Variants in CFAP299 observed in about 807,000 individuals in gnomAD.
CFAP299 encodes the protein cilia and flagella associated protein 299.
A neutral mutation model predicts 27.0 loss-of-function variants in CFAP299; 21 were observed. The ratio of observed to expected loss-of-function variants is 0.78; its 90% CI spans 0.55 to 1.12. The LOEUF is 1.12. CFAP299 is among the 50% of genes most tolerant of loss of function. The pLI is 0.00. For missense variants in CFAP299, 310 were observed against 276.6 expected, an observed-to-expected ratio of 1.12 and a Z score of -0.86; for synonymous variants, 104 against 98.1, an observed-to-expected ratio of 1.06 and a Z score of -0.36.
intron 3 of CFAP299, among the ~76,000 whole-genome samples, chr4:80,813,784 A>G (rs1026708307): frequency 3.3e-5 from 5 of 152,022 alleles, no homozygotes; most frequent in Admixed American, 6.6e-5. Flanking sequence ...AAATGTGTAA[A>G]TACAGATTGA....
At chr4:80,445,647 A>T (rs898599324) in intron 2 of CFAP299, among the ~76,000 whole-genome samples, 1 of 152,194 alleles carries the variant, frequency 6.6e-6, no homozygotes, top group African/African-American at 2.4e-5. Flanking sequence ...CATTCTGCAC[A>T]TGTATCCCAG....
At chr4:80,628,944 A>G (rs920501040) in intron 3 of CFAP299, among the ~76,000 whole-genome samples, 7 of 152,220 alleles carry the variant, frequency 4.6e-5, no homozygotes, top group African/African-American at 1.7e-4. Flanking sequence ...AAACTGCCAT[A>G]TAATCCAGCA....
At chr4:80,435,660 G>A (rs1439859054) in intron 2 of CFAP299, among the ~76,000 whole-genome samples, 1 of 152,192 alleles carries the variant, frequency 6.6e-6, no homozygotes, top group African/African-American at 2.4e-5. Flanking sequence ...ACCTTGCAGA[G>A]GGTTGAGCAA....
At chr4:80,699,616 G>C (rs1263389247) in intron 3 of CFAP299, among the ~76,000 whole-genome samples, 2 of 152,112 alleles carry the variant, frequency 1.3e-5, no homozygotes, top group Non-Finnish European at 2.9e-5. Context: ...TGGTCAATGT[G>C]TTATATTTGA....
intron 3 of CFAP299, among the ~76,000 whole-genome samples, chr4:80,602,039 A>G (rs1033755117): frequency 1.3e-5 from 2 of 152,172 alleles, no homozygotes; most frequent in Non-Finnish European, 2.9e-5. Context: ...AGAGGGGAAC[A>G]ACACATACTG....
intron 2 of CFAP299, chr4:80,386,932 G>T: frequency 1.2e-6 from 1 of 859,990 alleles, no homozygotes; most frequent in South Asian, 1.3e-5. Flanking sequence ...TGAGCGCGCA[G>T]TTTGAGGTAA....
At chr4:80,372,427 C>A (rs1167198620) in intron 2 of CFAP299, among the ~76,000 whole-genome samples, 1 of 152,214 alleles carries the variant, frequency 6.6e-6, no homozygotes, top group Non-Finnish European at 1.5e-5. Context: ...GCTTGTGTAG[C>A]AGGCGTTCAA....
intron 4 of CFAP299, among the ~76,000 whole-genome samples, chr4:80,882,414 G>A (rs897195835): frequency 1.3e-5 from 2 of 152,080 alleles, no homozygotes; most frequent in Non-Finnish European, 1.5e-5. Flanking sequence ...CGAGGCGGGC[G>A]GATTACGAGG....
intron 2 of CFAP299, among the ~76,000 whole-genome samples, chr4:80,480,468 C>G (rs1730507975): frequency 6.6e-6 from 1 of 151,956 alleles, no homozygotes; most frequent in Non-Finnish European, 1.5e-5. Context: ...TGGAAAGTCC[C>G]TAGTTATATA....
At chr4:80,893,306 T>C (rs534140016) in intron 4 of CFAP299, among the ~76,000 whole-genome samples, 1 of 151,942 alleles carries the variant, frequency 6.6e-6, no homozygotes, top group Non-Finnish European at 1.5e-5. Flanking sequence ...TTATACTTCC[T>C]AAATAATCTA....
At chr4:80,913,402 A>G (rs567799646) in intron 4 of CFAP299, among the ~76,000 whole-genome samples, 1 of 152,210 alleles carries the variant, frequency 6.6e-6, no homozygotes, top group Non-Finnish European at 1.5e-5. Context: ...ATATCTTAAC[A>G]TACAATACTA....
intron 3 of CFAP299, among the ~76,000 whole-genome samples, chr4:80,816,383 C>A (rs921437929): frequency 2.0e-5 from 3 of 152,006 alleles, no homozygotes; most frequent in South Asian, 2.1e-4. Context: ...GAAAATAAAT[C>A]CCTTTAATAT....
At chr4:80,533,077 T>G (rs1213215533) in intron 2 of CFAP299, among the ~76,000 whole-genome samples, 10 of 152,224 alleles carry the variant, frequency 6.6e-5, no homozygotes, top group Admixed American at 6.5e-4. Flanking sequence ...TTGAATTCCT[T>G]CTAAGTATTG....
At chr4:80,348,582 A>C (rs1553915820) in intron 1 of CFAP299, among the ~76,000 whole-genome samples, 2 of 152,234 alleles carry the variant, frequency 1.3e-5, no homozygotes, top group Non-Finnish European at 1.5e-5. Context: ...CCACAATGAG[A>C]TACCATCTCA....
intron 3 of CFAP299, among the ~76,000 whole-genome samples, chr4:80,843,466 A>G (rs1247866669): frequency 6.6e-6 from 1 of 152,098 alleles, no homozygotes; most frequent in Non-Finnish European, 1.5e-5. Context: ...CATTTTCATA[A>G]TCCAGTCTAT....
chr4:80,386,416 TCTC>T lies in CFAP299; in HGVS notation c.242+23537_242+23539del, dbSNP rs1244601432. ...ACCAGACCAGCCCCTGTGTCCTTCA[TCTC>T]CTCCAGCCCCAGCGGGTCAGGCAAG... On this transcript the variant is annotated intron_variant, in intron 2 of 5. Transcript: ENST00000358105. 32 of 1,544,442 alleles carry T rather than the reference TCTC, an allele frequency of 2.1e-5. No individual in the cohort carries two copies. In the African/African-American group the frequency reaches 3.4e-4, roughly 16 times the overall value.
At chr4:80,848,939 T>C (rs966712027) in intron 3 of CFAP299, among the ~76,000 whole-genome samples, 3 of 152,210 alleles carry the variant, frequency 2.0e-5, no homozygotes, top group Non-Finnish European at 4.4e-5. Context: ...CTGTACACTA[T>C]GGTAGACTTT....
chr4:80,414,868 A>C (rs895563084), intron 2 of CFAP299, among the ~76,000 whole-genome samples: 3 of 152,238 alleles, frequency 2.0e-5, no homozygotes, highest in Admixed American at 2.0e-4. Flanking sequence ...TCATATTGAC[A>C]AATGTATTTT....
In CFAP299 at chr4:80,346,939, T is replaced by TAACAAAAAGA. The variant is rs1173487673; in HGVS notation, c.111+11060_111+11061insAACAAAAAGA. On this transcript the variant is annotated intron_variant, in intron 1 of 5. Transcript: ENST00000358105. ...GTTCTTCCATTTGTTTGTGTCCTCTTTTATTTTGTTGAGCAGTGGTTTGTA... is the reference window on the plus strand; with the variant it reads ...GTTCTTCCATTTGTTTGTGTCCTCTTAACAAAAAGATTATTTTGTTGAGCAGTGGTTTGTA... Among the ~76,000 whole-genome samples, 7 of 152,184 alleles carry TAACAAAAAGA rather than the reference T, an allele frequency of 4.6e-5. No individual in the cohort carries two copies. The East Asian group carries it at 1.4e-3, about 29-fold the overall frequency.
Sources: allele counts gnomAD v4.1 joint callset (sites outside exome capture counted in the v4.1 genomes callset), GRCh38; gene constraint gnomAD v4.1.1; transcripts MANE v1.5; gene names NCBI Gene and HGNC (gene_info 2026-07-23, HGNC 2026-07-21).